Variants in TTBK2 observed in about 807,000 individuals in gnomAD.
The protein encoded by TTBK2 is tau tubulin kinase 2.
In TTBK2, 28 loss-of-function variants were observed where a neutral mutation model predicts 110.8. The ratio of observed to expected loss-of-function variants is 0.25; its 90% CI spans 0.19 to 0.35. TTBK2 has a LOEUF of 0.35. Among genes scored for constraint, TTBK2 ranks in the 10% least tolerant of loss-of-function variants. TTBK2 has a pLI of 1.00. For synonymous variants in TTBK2, 532 were observed against 527.3 expected (o/e 1.01, Z -0.12); for missense variants, 1,369 against 1,500.3 (o/e 0.91, Z 1.45).
Position 42,752,463 on chromosome 15 carries a change from G to A in TTBK2, c.2783C>T (p.Pro928Leu). 1 of 1,614,162 alleles carries A rather than the reference G, an allele frequency of 6.2e-7. No homozygotes were observed. Among genetic ancestry groups the A allele is most frequent in the South Asian group, 1.1e-5 (1 of 91,070 alleles). Reference sequence around the variant, plus strand: ...TGACCTAACCATATCCTTCCGGGTTGGGGCACCATGTTCATTCTCTGAAAC... The same window carrying A: ...TGACCTAACCATATCCTTCCGGGTTAGGGCACCATGTTCATTCTCTGAAAC... The part of the protein sequence containing the change: ...HCVSENEHGA[P>L]TRKDMVRSSF... Residue 928 changes from proline to leucine, a missense_variant, in exon 14 of 15, where the codon CCA becomes CTA. Transcript: ENST00000267890.
At position 42,741,735 on chromosome 15, in the gene TTBK2, A is replaced by C. The variant is rs2061752714; in HGVS notation, c.*4060T>G. 6.6e-6 allele frequency: 1 copy of C among 152,258 alleles called. No homozygotes were observed. Among genetic ancestry groups the C allele is most frequent in the Non-Finnish European group, 1.5e-5 (1 of 68,050 alleles). The allele number at this position is 152,258 out of a possible 1,614,324, so 9.4% of individuals were successfully genotyped here. The stretch of plus-strand genomic sequence containing the variant: ...GACTTTGATCTCCAAGACTAAATCT[A>C]GACTTATCTGCAAATAAGTAAATTT... On this transcript the variant is annotated 3_prime_UTR_variant, in exon 15 of 15. Coordinates refer to ENST00000267890, the MANE Select transcript of TTBK2 (RefSeq NM_173500.4).
intron 7 of TTBK2, among the ~76,000 whole-genome samples, chr15:42,814,906 A>G (rs1891876928): frequency 6.6e-6 from 1 of 152,238 alleles, no homozygotes; most frequent in Admixed American, 6.5e-5. Flanking sequence ...AAGTTATCAA[A>G]GTAACTGTTA....
At chr15:42,816,090 ATATATATAT>A (rs1892006906) in intron 7 of TTBK2, among the ~76,000 whole-genome samples, 1 of 96,858 alleles carries the variant, frequency 1.0e-5, no homozygotes, top group African/African-American at 5.3e-5. Flanking sequence ...AAATAAATAT[ATATATATAT>A]ATATATATAT....
chr15:42,872,848 A>T, intron 2 of TTBK2, 90 bp from the exon 3 acceptor site: 1 of 1,451,724 alleles, frequency 6.9e-7, no homozygotes, highest in Non-Finnish European at 9.3e-7. Flanking sequence ...AAAATGTATA[A>T]TTTTATAATC....
At chr15:42,840,455 T>C (rs200179009) in intron 3 of TTBK2, 22 bp from the exon 4 acceptor site, 1 of 1,593,386 alleles carries the variant, frequency 6.3e-7, no homozygotes, top group East Asian at 2.2e-5. Flanking sequence ...AAGAAAACAG[T>C]GGAAAAGAAT....
chr15:42,902,822 C>A (rs112286686), intron 1 of TTBK2, among the ~76,000 whole-genome samples: 52 of 151,942 alleles, frequency 3.4e-4, no homozygotes, highest in Non-Finnish European at 4.6e-4. Context: ...GCAAAACTGT[C>A]TCTACAAAAT....
intron 5 of TTBK2, among the ~76,000 whole-genome samples, chr15:42,829,147 T>C (rs1283174821): frequency 6.6e-6 from 1 of 152,204 alleles, no homozygotes; most frequent in African/African-American, 2.4e-5. Flanking sequence ...TTTTCAACTG[T>C]ACCAACATAT....
intron 11 of TTBK2, among the ~76,000 whole-genome samples, chr15:42,782,316 C>T (rs1032381172): frequency 6.6e-6 from 1 of 152,176 alleles, no homozygotes; most frequent in Non-Finnish European, 1.5e-5. Flanking sequence ...AGGTGATCCG[C>T]CCACCTTGGC....
At chr15:42,896,352 T>C (rs1286016208) in intron 1 of TTBK2, among the ~76,000 whole-genome samples, 2 of 152,102 alleles carry the variant, frequency 1.3e-5, no homozygotes, top group East Asian at 3.9e-4. Flanking sequence ...ATAGTAATAA[T>C]AATAATACAG....
chr15:42,898,203 T>C (rs1175995258), intron 1 of TTBK2, among the ~76,000 whole-genome samples: 2 of 152,064 alleles, frequency 1.3e-5, no homozygotes, highest in Non-Finnish European at 2.9e-5. Context: ...GTCATGATAA[T>C]GGTCGTTTAA....
At chr15:42,857,348 T>A (rs1411636374) in intron 3 of TTBK2, 1 of 152,094 alleles carries the variant, frequency 6.6e-6, no homozygotes, top group African/African-American at 2.4e-5. Context: ...AAACCCCATA[T>A]CTACAAAAAT....
chr15:42,887,901 C>T (rs751972463), intron 1 of TTBK2, among the ~76,000 whole-genome samples: 5 of 151,256 alleles, frequency 3.3e-5, no homozygotes, highest in African/African-American at 4.9e-5. Flanking sequence ...CATCTGTTAC[C>T]TACCTCGGCA....
chr15:42,835,660 C>A (rs1374918359), intron 4 of TTBK2, among the ~76,000 whole-genome samples: 1 of 151,440 alleles, frequency 6.6e-6, no homozygotes, highest in African/African-American at 2.4e-5. Flanking sequence ...AAGAGATGGA[C>A]GATCATTGAA....
In TTBK2 at chr15:42,746,165, G is replaced by C. The variant is rs56142516; in HGVS notation, c.3365C>G (p.Pro1122Arg). Residue 1122 changes from proline to arginine, a missense_variant, in exon 15 of 15, where the codon CCC (proline) becomes CGC (arginine). Pro to Arg is a moderately radical substitution (Grantham distance 103, BLOSUM62 -2). Around this residue, in one of 4 missense-constraint regions of TTBK2, gnomAD observed 1,097 missense variants for 1,114.7 expected, o/e 0.98. Transcript: ENST00000267890. The stretch of plus-strand genomic sequence containing the variant: ...ACTCTTGCACTGAGTAGTGCTCCGG[G>C]GTTTCTGAGATCCATTTTGAAGAAT... ...AQILQNGSQK[P>R]RSTTQCKSPG... 6 of 1,614,148 alleles carry C rather than the reference G, an allele frequency of 3.7e-6. No homozygotes were observed. In the East Asian group the frequency reaches 1.3e-4, roughly 36 times the overall value.
At chr15:42,864,101 A>G (rs957316396) in intron 3 of TTBK2, among the ~76,000 whole-genome samples, 10 of 152,200 alleles carry the variant, frequency 6.6e-5, no homozygotes, top group Admixed American at 3.9e-4. Flanking sequence ...GAACTAAAGA[A>G]CTTCCACAAA....
At chr15:42,837,177 T>C (rs987466900) in intron 4 of TTBK2, among the ~76,000 whole-genome samples, 1 of 151,958 alleles carries the variant, frequency 6.6e-6, no homozygotes, top group Non-Finnish European at 1.5e-5. Flanking sequence ...CTGGCCAACA[T>C]GGTGAAACCG....
At chr15:42,837,584 AGGAGGT>A (rs1365372853) in intron 4 of TTBK2, among the ~76,000 whole-genome samples, 2 of 142,550 alleles carry the variant, frequency 1.4e-5, no homozygotes, top group Admixed American at 1.5e-4. Flanking sequence ...ACTTGAACCC[AGGAGGT>A]GGAAGTTGCA....
chr15:42,879,170 T>G (rs938487306), intron 1 of TTBK2, among the ~76,000 whole-genome samples: 3 of 152,130 alleles, frequency 2.0e-5, no homozygotes, highest in Non-Finnish European at 4.4e-5. Context: ...TTCAAGGACA[T>G]TGTAAGAAAA....
chr15:42,913,395 T>C lies in TTBK2; in HGVS notation c.-68+7043A>G, dbSNP rs551336355. Among the ~76,000 whole-genome samples, 8 of 152,136 alleles carry C rather than the reference T, an allele frequency of 5.3e-5. No individual in the cohort carries two copies. The South Asian group carries it at 8.3e-4, about 16-fold the overall frequency. ...TGGCTCACATCTGTAATCCCAGCAC[T>C]TTGGTAGGCCGAGGCGGGCGGATCA... is the stretch of plus-strand genomic sequence containing the variant. On this transcript the variant is annotated intron_variant, in intron 1 of 14. Transcript: ENST00000267890.
Sources: allele counts gnomAD v4.1 joint callset (sites outside exome capture counted in the v4.1 genomes callset), GRCh38; gene constraint gnomAD v4.1.1; regional missense constraint gnomAD v4.1.1; transcripts MANE v1.5; gene names NCBI Gene and HGNC (gene_info 2026-07-23, HGNC 2026-07-21).